Variants in P2RX5 observed in about 807,000 individuals in gnomAD.
The protein encoded by P2RX5 is P2X purinoceptor 5.
Under a neutral mutation model 54.1 loss-of-function variants are expected in P2RX5, and 46 were observed. The observed-to-expected ratio is 0.85, with a 90% CI of 0.67 to 1.09. The LOEUF (loss-of-function observed/expected upper bound fraction) is 1.09. P2RX5 is among the 50% of genes least tolerant of loss of function. P2RX5 has a pLI of 0.00. For synonymous variants in P2RX5, 226 were observed against 226.4 expected (o/e 1.00, Z 0.02); for missense variants, 566 against 549.8 (o/e 1.03, Z -0.29).
the P2RX5 span, among the ~76,000 whole-genome samples, chr17:3,708,454 GA>G: frequency 5.5e-3 from 806 of 145,234 alleles, 6 homozygotes; most frequent in African/African-American, 0.018. Context: ...AAGCATAGAG[GA>G]AAAAAAAAAA....
At chr17:3,680,193 T>C (rs2050215704) in intron 10 of P2RX5, among the ~76,000 whole-genome samples, 1 of 134,254 alleles carries the variant, frequency 7.4e-6, no homozygotes, top group Non-Finnish European at 1.6e-5. Context: ...CCCTGCGTCC[T>C]CCACCCTGCA....
At chr17:3,716,276 G>A in the P2RX5 span, among the ~76,000 whole-genome samples, 2 of 151,980 alleles carry the variant, frequency 1.3e-5, no homozygotes, top group African/African-American at 4.8e-5. Context: ...TTAAGACAGG[G>A]GAAGGCAAGG....
chr17:3,681,455 G>A (rs902210399), intron 10 of P2RX5, among the ~76,000 whole-genome samples: 2 of 150,912 alleles, frequency 1.3e-5, no homozygotes, highest in African/African-American at 2.4e-5. Context: ...AGGAAACTCC[G>A]GAAACAGCCT....
intron 6 of P2RX5, 134 bp downstream of exon 6, chr17:3,689,926 GCACACACGCA>G: frequency 1.2e-6 from 1 of 846,820 alleles, no homozygotes; most frequent in Non-Finnish European, 2.0e-6. Context: ...ACATGCACGC[GCACACACGCA>G]CACACGCGAA....
intron 9 of P2RX5, among the ~76,000 whole-genome samples, chr17:3,683,819 G>A (rs988438551): frequency 3.9e-5 from 6 of 152,068 alleles, no homozygotes; most frequent in Non-Finnish European, 7.4e-5. Context: ...CCCTCCCAGT[G>A]ACTGTCTGCA....
In P2RX5 at chr17:3,690,621, C is replaced by G. The variant is rs746704729; in HGVS notation, c.420G>C (p.Ala140=). The G allele has an allele frequency of 1.2e-6, 2 of 1,613,498 alleles. No homozygotes were observed. Among genetic ancestry groups the G allele is most frequent in the African/African-American group, 1.3e-5 (1 of 74,948 alleles). Residue 140 remains alanine (A), a synonymous_variant, in exon 4 of 12, where the codon GCG becomes GCC. Transcript: ENST00000225328. ...SKDSDCHAGE[A]VTAGNGVKTG... is the part of the protein sequence containing the mutation. The stretch of plus-strand genomic sequence containing the variant: ...GGCCCTCACCGTTTCCAGCTGTAAC[C>G]GCTTCCCCAGCGTGGCAGTCGCTGT...
chr17:3,674,677 G>A lies in P2RX5; in HGVS notation c.1260-800C>T, dbSNP rs2050061047. The stretch of plus-strand genomic sequence containing the variant: ...GGCTCCTGTCTGCCGCCTTCACCCA[G>A]GTTCTCCGTTGCTCCTTCCCATATC... On this transcript the variant is annotated intron_variant, in intron 11 of 11. Transcript: ENST00000225328. Among the ~76,000 whole-genome samples the A allele has an allele frequency of 3.3e-5, 5 of 152,214 alleles. 1 individual carries two copies. Among genetic ancestry groups the A allele is most frequent in the Admixed American group, 3.3e-4 (5 of 15,282 alleles).
chr17:3,679,622 T>C lies in P2RX5; in HGVS notation c.1227A>G (p.Gly409=). The C allele has an allele frequency of 6.2e-7, 1 of 1,608,758 alleles. No individual in the cohort carries two copies. The highest frequency in any genetic ancestry group is 8.5e-7 in the Non-Finnish European group (1 of 1,179,804). ...KRGSSSQKGN[G]SVCPQLLEPH... ...GCTCCAGGAGCTGTGGGCACACAGA[T>C]CCGTTCCCCTTCTGACTGCTGCTTC... The change falls in exon 11 of 12, where the codon GGA becomes GGG. Residue 409 remains glycine, a synonymous_variant. Transcript: ENST00000225328.
intron 8 of P2RX5, among the ~76,000 whole-genome samples, 198 bp downstream of exon 8, chr17:3,688,428 G>A (rs924596592): frequency 6.6e-6 from 1 of 152,150 alleles, no homozygotes; most frequent in African/African-American, 2.4e-5. Flanking sequence ...AAGAACACGC[G>A]CTCTCCTCTC....
At chr17:3,690,010 A>G (rs2050565210) in intron 6 of P2RX5, 60 bp downstream of exon 6, 1 of 1,460,076 alleles carries the variant, frequency 6.8e-7, no homozygotes, top group South Asian at 1.1e-5. Flanking sequence ...ACGGAGGGCC[A>G]GCCAAGGCCC....
At chr17:3,676,362 G>C (rs1182953499) in intron 11 of P2RX5, 3 of 985,342 alleles carry the variant, frequency 3.0e-6, no homozygotes, top group Non-Finnish European at 3.6e-6. Flanking sequence ...CGAGTTTTCG[G>C]CAAAATCAGG....
the P2RX5 span, among the ~76,000 whole-genome samples, chr17:3,711,342 C>G: frequency 7.0e-6 from 1 of 143,874 alleles, no homozygotes; most frequent in Non-Finnish European, 1.5e-5. Flanking sequence ...GAAAAGGTTA[C>G]TCCACAGGGC....
chr17:3,711,370 C>CTTTTTTTTTTT, the P2RX5 span, among the ~76,000 whole-genome samples: 400 of 63,090 alleles, frequency 6.3e-3, 89 homozygotes, highest in African/African-American at 0.023. Flanking sequence ...AGCACTCATT[C>CTTTTTTTTTTT]TTTTTTTTTT....
In P2RX5 at chr17:3,673,864, C is replaced by T. The variant is rs1309425475; in HGVS notation, c.*4G>A. The T allele has an allele frequency of 6.2e-7, 1 of 1,612,908 alleles. No homozygotes were observed. The highest frequency in any genetic ancestry group is 1.3e-5 in the African/African-American group (1 of 74,890). ...GACAGGGCCTGAACGTAAGCAGAGG[C>T]AATTCACGTGCTCCTGGAATATCAG... On this transcript the variant is annotated 3_prime_UTR_variant, in exon 12 of 12. Transcript: ENST00000225328.
At chr17:3,691,506 T>C in intron 2 of P2RX5, 138 bp downstream of exon 2, 1 of 1,074,240 alleles carries the variant, frequency 9.3e-7, no homozygotes, top group Non-Finnish European at 1.4e-6. Flanking sequence ...GGTTGCTCTC[T>C]GCAAGCCCTG....
intron 2 of P2RX5, 101 bp from the exon 3 acceptor site, chr17:3,691,128 T>G: frequency 1.1e-6 from 1 of 875,504 alleles, no homozygotes; most frequent in South Asian, 1.4e-5. Flanking sequence ...CTGCCTGGGT[T>G]TTGGGGATAA....
intron 9 of P2RX5, among the ~76,000 whole-genome samples, chr17:3,683,754 G>C (rs1049742102): frequency 2.1e-5 from 3 of 140,634 alleles, no homozygotes; most frequent in African/African-American, 7.6e-5. Flanking sequence ...AAAAAGAAAA[G>C]TGATAGCTGA....
chr17:3,685,782 CCCCGCCCAG>C, intron 9 of P2RX5, among the ~76,000 whole-genome samples: 1 of 18,212 alleles, frequency 5.5e-5, no homozygotes, highest in Non-Finnish European at 3.5e-4. Flanking sequence ...GTCCCCCGCC[CCCCGCCCAG>C]CCTGAGAACA....
intron 11 of P2RX5, chr17:3,677,954 G>A: frequency 1.0e-6 from 1 of 985,452 alleles, no homozygotes; most frequent in Non-Finnish European, 1.2e-6. Flanking sequence ...AAGTTCAGGA[G>A]AGATGGCTGT....
Sources: gnomAD v4.1 joint callset for allele counts (sites outside exome capture counted in the v4.1 genomes callset) on GRCh38, gnomAD v4.1.1 for gene constraint, MANE v1.5 for transcripts, NCBI Gene and HGNC (gene_info 2026-07-23, HGNC 2026-07-21) for gene names.